ZBTB20: variants seen among roughly 807,000 people sequenced by gnomAD.
ZBTB20 encodes zinc finger and BTB domain-containing protein 20.
ZBTB20 carries 9 observed loss-of-function variants against 56.9 expected under a neutral mutation model. The observed-to-expected ratio is 0.16, with a 90% confidence interval of 0.10 to 0.28. The LOEUF (loss-of-function observed/expected upper bound fraction) is 0.28. ZBTB20 is among the 10% of genes least tolerant of loss of function. ZBTB20 has a pLI of 1.00. For synonymous variants in ZBTB20, 417 were observed against 420.7 expected (o/e 0.99, Z 0.11); for missense variants, 655 against 1,003.0 (o/e 0.65, Z 4.69).
chr3:115,144,230 T>C (rs1043578418), intron 1 of ZBTB20, among the ~76,000 whole-genome samples: 1 of 152,202 alleles, frequency 6.6e-6, no homozygotes, highest in Non-Finnish European at 1.5e-5. Context: ...TTATAAATTA[T>C]AGATCGCAGG....
At position 115,069,620 on chromosome 3, in the gene ZBTB20, T is replaced by C. The variant is rs577941237; in HGVS notation, c.-507+1599A>G. ...AAAAAGGTAGGTTGGAGGTAGAAAA[T>C]GGACAGAATGTCTCTGCTAACCTAA... On this transcript the variant is annotated intron_variant, in intron 2 of 11. Transcript: ENST00000675478. 2.0e-5 allele frequency among the ~76,000 whole-genome samples: 3 copies of C among 152,244 alleles called. No individual in the cohort carries two copies. In the South Asian group the frequency reaches 6.2e-4, roughly 32 times the overall value.
At chr3:114,778,244 TTAA>T (rs370933299) in intron 5 of ZBTB20, among the ~76,000 whole-genome samples, 19,445 of 137,628 alleles carry the variant, frequency 0.14, 1,786 homozygotes, top group African/African-American at 0.27. Context: ...TTAAAGTATG[TTAA>T]TAATAATAAT....
At chr3:114,933,728 C>G (rs2076436318) in intron 3 of ZBTB20, among the ~76,000 whole-genome samples, 1 of 152,230 alleles carries the variant, frequency 6.6e-6, no homozygotes, top group South Asian at 2.1e-4. Context: ...AACCACTACA[C>G]ATCTACAGCT....
intron 1 of ZBTB20, among the ~76,000 whole-genome samples, chr3:115,091,789 T>G (rs977697757): frequency 6.6e-6 from 1 of 151,808 alleles, no homozygotes; most frequent in African/African-American, 2.4e-5. Context: ...CCTCAAATAT[T>G]TGCATAGCTC....
chr3:114,746,971 C>T (rs914807328), intron 5 of ZBTB20, among the ~76,000 whole-genome samples: 4 of 152,142 alleles, frequency 2.6e-5, no homozygotes, highest in Admixed American at 6.5e-5. Flanking sequence ...ATGTCAACAA[C>T]TCAGGAAGGA....
At chr3:114,613,949 C>T (rs1003358723) in intron 6 of ZBTB20, among the ~76,000 whole-genome samples, 2 of 151,982 alleles carry the variant, frequency 1.3e-5, no homozygotes, top group Non-Finnish European at 1.5e-5. Flanking sequence ...TACTTACTCC[C>T]CACAGTAATT....
intron 2 of ZBTB20, among the ~76,000 whole-genome samples, chr3:115,046,803 T>A (rs1055979963): frequency 6.6e-6 from 1 of 152,138 alleles, no homozygotes; most frequent in African/African-American, 2.4e-5. Flanking sequence ...GCAGTCAACA[T>A]CACAGCTCAG....
intron 2 of ZBTB20, among the ~76,000 whole-genome samples, chr3:115,040,817 T>G (rs1253398111): frequency 6.6e-6 from 1 of 152,122 alleles, no homozygotes; most frequent in Non-Finnish European, 1.5e-5. Context: ...TTGAAACATT[T>G]CAGGGGGAGT....
intron 7 of ZBTB20, among the ~76,000 whole-genome samples, chr3:114,436,339 C>A (rs529796663): frequency 6.0e-4 from 91 of 152,194 alleles, no homozygotes; most frequent in Non-Finnish European, 8.1e-4. Flanking sequence ...AGCTAGATCT[C>A]CCTAGAGGCC....
intron 4 of ZBTB20, among the ~76,000 whole-genome samples, chr3:114,889,841 A>G (rs531853408): frequency 2.8e-4 from 43 of 152,280 alleles, no homozygotes; most frequent in African/African-American, 1.0e-3. Flanking sequence ...AGAGCAAATA[A>G]TAAGTGGTAG....
intron 6 of ZBTB20, among the ~76,000 whole-genome samples, chr3:114,516,614 A>G (rs2046024477): frequency 6.6e-6 from 1 of 152,196 alleles, no homozygotes; most frequent in Non-Finnish European, 1.5e-5. Flanking sequence ...AGATGTGTGA[A>G]TAGGGTCATT....
rs1323395973 is a variant in ZBTB20 at position 114,964,694 on chromosome 3, C to T, written c.-456+9672G>A. On this transcript the variant is annotated intron_variant, in intron 3 of 11. Coordinates refer to ENST00000675478, the MANE Select transcript of ZBTB20 (RefSeq NM_001348800.3). ...GAACTATGTGCCTGGGTGGAGGAGG[C>T]GGGGGGTGATGGGAAGAGATATGGG... 3.3e-5 allele frequency among the ~76,000 whole-genome samples: 5 copies of T among 151,814 alleles called. No individual in the cohort carries two copies. In the East Asian group the frequency reaches 5.8e-4, roughly 18 times the overall value.
At chr3:115,056,470 C>T (rs571007138) in intron 2 of ZBTB20, among the ~76,000 whole-genome samples, 1 of 152,184 alleles carries the variant, frequency 6.6e-6, no homozygotes, top group South Asian at 2.1e-4. Flanking sequence ...AAAAGTCACA[C>T]ATGATTTGCA....
In ZBTB20 at chr3:114,332,493, C is replaced by T. The variant is rs919059303; in HGVS notation, c.*6512G>A. ...CTATTTTACATTCAGCCCCAACCTA[C>T]GTCACTGAAATAGAATAGGAAATAG... is the stretch of plus-strand genomic sequence containing the variant. On this transcript the variant is annotated 3_prime_UTR_variant, in exon 12 of 12. Transcript: ENST00000675478. 1.2e-4 allele frequency: 18 copies of T among 152,186 alleles called. No homozygotes were observed. The highest frequency in any genetic ancestry group is 1.9e-4 in the Non-Finnish European group (13 of 68,016). 9.4% of individuals were successfully genotyped at this position (152,186 alleles called of 1,614,324 possible).
chr3:114,823,255 G>A (rs1203522035), intron 4 of ZBTB20, among the ~76,000 whole-genome samples: 1 of 152,080 alleles, frequency 6.6e-6, no homozygotes, highest in Non-Finnish European at 1.5e-5. Context: ...CATGTAGGGA[G>A]GGCATCCAGC....
intron 10 of ZBTB20, among the ~76,000 whole-genome samples, chr3:114,368,338 C>A (rs983237239): frequency 2.6e-5 from 4 of 151,890 alleles, no homozygotes; most frequent in African/African-American, 9.7e-5. Context: ...CAACACATAG[C>A]CCCAGTCTTA....
At chr3:114,473,172 T>C (rs746226258) in intron 7 of ZBTB20, among the ~76,000 whole-genome samples, 1 of 152,230 alleles carries the variant, frequency 6.6e-6, no homozygotes, top group Non-Finnish European at 1.5e-5. Flanking sequence ...ACGCTTTATG[T>C]GTGCTATGTC....
At chr3:114,665,653 A>G (rs944637851) in intron 6 of ZBTB20, among the ~76,000 whole-genome samples, 11 of 152,110 alleles carry the variant, frequency 7.2e-5, no homozygotes, top group Non-Finnish European at 1.5e-4. Context: ...TTCCTATAAC[A>G]TAACAACTCA....
chr3:115,046,901 GCATTT>G (rs1043591602), intron 2 of ZBTB20, among the ~76,000 whole-genome samples: 9 of 152,048 alleles, frequency 5.9e-5, no homozygotes, highest in Non-Finnish European at 1.2e-4. Context: ...AAGTCATCAA[GCATTT>G]CTTCACATAT....
Sources: gnomAD v4.1 joint callset for allele counts (sites outside exome capture counted in the v4.1 genomes callset) on GRCh38, gnomAD v4.1.1 for gene constraint, MANE v1.5 for transcripts, NCBI Gene and HGNC (gene_info 2026-07-23, HGNC 2026-07-21) for gene names.